LONP2: variants seen among roughly 807,000 people sequenced by gnomAD.
The protein encoded by LONP2 is lon protease homolog 2, peroxisomal.
A neutral mutation model predicts 85.6 loss-of-function variants in LONP2; 60 were observed. The ratio of observed to expected loss-of-function variants is 0.70; its 90% CI spans 0.57 to 0.87. The LOEUF (loss-of-function observed/expected upper bound fraction) is 0.87, where lower values mean the gene tolerates loss of function less well. Among genes scored for constraint, LONP2 ranks in the 40% least tolerant of loss-of-function variants. LONP2 has a pLI of 0.00. For missense variants in LONP2, 860 were observed against 1,063.5 expected, an observed-to-expected ratio of 0.81 and a Z score of 2.66; for synonymous variants, 395 against 389.7, an observed-to-expected ratio of 1.01 and a Z score of -0.16.
intron 3 of LONP2, among the ~76,000 whole-genome samples, chr16:48,258,059 C>T (rs2150966909): frequency 6.6e-6 from 1 of 152,290 alleles, no homozygotes; most frequent in East Asian, 1.9e-4. Flanking sequence ...TAAAAACACA[C>T]AGCTTCGGCC....
chr16:48,278,746 A>G (rs1417324519), intron 8 of LONP2, among the ~76,000 whole-genome samples: 1 of 152,082 alleles, frequency 6.6e-6, no homozygotes, highest in Non-Finnish European at 1.5e-5. Flanking sequence ...CTGCCTTGGC[A>G]TGGGTTTCTT....
At chr16:48,264,723 T>C (rs1265054303) in intron 6 of LONP2, among the ~76,000 whole-genome samples, 1 of 152,220 alleles carries the variant, frequency 6.6e-6, no homozygotes, top group African/African-American at 2.4e-5. Context: ...GATTTATGTT[T>C]AGAGATTGCA....
chr16:48,322,742 A>T (rs1383113165), intron 11 of LONP2, among the ~76,000 whole-genome samples: 3 of 152,176 alleles, frequency 2.0e-5, no homozygotes, highest in African/African-American at 7.2e-5. Flanking sequence ...AATTTTTTTT[A>T]AATGAAGCAT....
At chr16:48,300,269 T>A (rs1367436836) in intron 10 of LONP2, among the ~76,000 whole-genome samples, 1 of 152,232 alleles carries the variant, frequency 6.6e-6, no homozygotes, top group Non-Finnish European at 1.5e-5. Context: ...GAGAGATTTT[T>A]AAAATCCTTA....
intron 12 of LONP2, chr16:48,344,378 T>C (rs1297374173): frequency 2.0e-5 from 3 of 152,224 alleles, no homozygotes; most frequent in Non-Finnish European, 4.4e-5. Context: ...CCACTGTGTA[T>C]ATAGATGTTA....
chr16:48,341,954 T>C (rs371847166), intron 12 of LONP2, among the ~76,000 whole-genome samples: 4 of 152,066 alleles, frequency 2.6e-5, no homozygotes, highest in African/African-American at 9.7e-5. Context: ...GCCCTTTCAC[T>C]CTGTCACTGG....
In LONP2 at chr16:48,353,540, A is replaced by G. The variant is rs965852804; in HGVS notation, c.*1738A>G. 2 of 152,886 alleles carry G rather than the reference A, an allele frequency of 1.3e-5. No homozygotes were observed. The highest frequency in any genetic ancestry group is 2.9e-5 in the Non-Finnish European group (2 of 68,690). 9.5% of individuals were successfully genotyped at this position (152,886 alleles called of 1,614,324 possible). On this transcript the variant is annotated 3_prime_UTR_variant, in exon 15 of 15. Coordinates refer to ENST00000285737, the MANE Select transcript of LONP2 (RefSeq NM_031490.5). ...AAAGATTGGGCCAAAATACTGTGAT[A>G]AAATAGCAGGCCTGCTGATAAAAGT...
chr16:48,354,041 G>A lies in LONP2; in HGVS notation c.*2239G>A, dbSNP rs1180410532. The A allele has an allele frequency of 8.8e-6, 1 of 113,256 alleles. No individual in the cohort carries two copies. The highest frequency in any genetic ancestry group is 1.7e-5 in the Non-Finnish European group (1 of 60,330). The allele number at this position is 113,256 out of a possible 1,614,324, so 7.0% of individuals were successfully genotyped here. On this transcript the variant is annotated 3_prime_UTR_variant, in exon 15 of 15. Transcript: ENST00000285737. ...AGGGGTGGGAGGTTGGTTGGTTGAA[G>A]TCTAAGCTCTTCCTTTTTCACCTGG...
chr16:48,293,605 T>C (rs1054352706), intron 8 of LONP2, among the ~76,000 whole-genome samples: 1 of 152,054 alleles, frequency 6.6e-6, no homozygotes, highest in Non-Finnish European at 1.5e-5. Flanking sequence ...GGAAACATTC[T>C]AAGAGGAAGA....
chr16:48,288,374 C>T (rs1177718234), intron 8 of LONP2, among the ~76,000 whole-genome samples: 2 of 151,932 alleles, frequency 1.3e-5, no homozygotes, highest in African/African-American at 4.8e-5. Context: ...AGGCTGGTCT[C>T]GAACTCCTGA....
In LONP2 at chr16:48,357,246, A is replaced by C. The variant is rs1412120662; in HGVS notation, c.*5444A>C. 1.3e-5 allele frequency: 2 copies of C among 152,214 alleles called. No individual in the cohort carries two copies. Among genetic ancestry groups the C allele is most frequent in the Non-Finnish European group, 2.9e-5 (2 of 68,050 alleles). The allele number at this position is 152,214 out of a possible 1,614,324, so 9.4% of individuals were successfully genotyped here. On this transcript the variant is annotated 3_prime_UTR_variant, in exon 15 of 15. Coordinates refer to ENST00000285737, the MANE Select transcript of LONP2 (RefSeq NM_031490.5). ...GAGTCAGAAGTCAACCCAGGCAGTTAGAATCTACAACCCACACTGTTTGCC... is the reference window on the plus strand; with the variant it reads ...GAGTCAGAAGTCAACCCAGGCAGTTCGAATCTACAACCCACACTGTTTGCC...
intron 11 of LONP2, among the ~76,000 whole-genome samples, chr16:48,323,544 G>C (rs549970932): frequency 6.6e-6 from 1 of 151,948 alleles, no homozygotes; most frequent in South Asian, 2.1e-4. Context: ...TGTTGTCCCA[G>C]CTACTTGGGT....
At chr16:48,245,335 C>G (rs1188554694) in intron 1 of LONP2, among the ~76,000 whole-genome samples, 4 of 152,158 alleles carry the variant, frequency 2.6e-5, no homozygotes, top group Non-Finnish European at 5.9e-5. Flanking sequence ...GTACCCTCGC[C>G]CTATTGGTGT....
rs371990633 is a variant in LONP2, at chr16:48,270,128, C to A, written c.1095C>A (p.Asn365Lys). 2 of 1,613,854 alleles carry A rather than the reference C, an allele frequency of 1.2e-6. No homozygotes were observed. The highest frequency in any genetic ancestry group is 1.3e-5 in the African/African-American group (1 of 74,858). Residue 365 changes from asparagine (N) to lysine (K), a missense_variant, in exon 7 of 15, where the codon AAC becomes AAA. Asn to Lys is a moderately conservative substitution (Grantham distance 94). Around this residue, in one of 3 missense-constraint regions of LONP2, gnomAD observed 743 missense variants for 917.3 expected, o/e 0.81. Transcript: ENST00000285737. ...EYLAVRQLKN[N>K]LKGPILCFVG... ...TGGCTGTCAGACAGCTCAAAAATAA[C>A]CTGAAGGGCCCAATCCTATGCTTTG...
intron 11 of LONP2, among the ~76,000 whole-genome samples, chr16:48,318,490 G>T (rs190568761): frequency 9.6e-4 from 146 of 152,280 alleles, no homozygotes; most frequent in Non-Finnish European, 1.7e-3. Context: ...CAGCACTCTA[G>T]CCTGGGCAAC....
intron 8 of LONP2, among the ~76,000 whole-genome samples, chr16:48,283,958 A>G (rs1251784323): frequency 6.6e-6 from 1 of 152,188 alleles, no homozygotes; most frequent in Non-Finnish European, 1.5e-5. Flanking sequence ...AAATATCAAC[A>G]TGAACAGGAG....
intron 1 of LONP2, among the ~76,000 whole-genome samples, chr16:48,245,806 G>A (rs1214944702): frequency 6.6e-6 from 1 of 152,008 alleles, no homozygotes; most frequent in Non-Finnish European, 1.5e-5. Context: ...AATTTTATAT[G>A]TGGTCCACAT....
In LONP2 at chr16:48,326,720, G is replaced by A. The variant is rs375772879; in HGVS notation, c.1796-7496G>A. On this transcript the variant is annotated intron_variant, in intron 11 of 14. Coordinates refer to ENST00000285737, the MANE Select transcript of LONP2 (RefSeq NM_031490.5). ...CTTCAAGATTTTTTCAAACAGCAAGGAACTTTTTTATTTTTTAACAGAGAG... is the reference window on the plus strand; with the variant it reads ...CTTCAAGATTTTTTCAAACAGCAAGAAACTTTTTTATTTTTTAACAGAGAG... Among the ~76,000 whole-genome samples the A allele has an allele frequency of 7.2e-5, 11 of 152,026 alleles. No homozygotes were observed. The South Asian group carries it at 1.2e-3, about 17-fold the overall frequency.
intron 9 of LONP2, 39 bp downstream of exon 9, chr16:48,296,204 T>G (rs775587291): frequency 6.3e-7 from 1 of 1,597,934 alleles, no homozygotes; most frequent in East Asian, 2.2e-5. Context: ...ATCTTGCCTT[T>G]CTGACCATAA....
Sources: allele counts gnomAD v4.1 joint callset (sites outside exome capture counted in the v4.1 genomes callset), GRCh38; gene constraint gnomAD v4.1.1; regional missense constraint gnomAD v4.1.1; transcripts MANE v1.5; gene names NCBI Gene and HGNC (gene_info 2026-07-23, HGNC 2026-07-21).